SNED1: variants seen among roughly 807,000 people sequenced by gnomAD.
SNED1 encodes sushi, nidogen and EGF like domains 1, also known as sushi, nidogen and EGF-like domain-containing protein 1.
Under a neutral mutation model 166.7 loss-of-function variants are expected in SNED1, and 81 were observed. That is an observed-to-expected ratio of 0.49 (90% CI 0.41 to 0.58). The LOEUF (loss-of-function observed/expected upper bound fraction) is 0.58. Ranked by LOEUF, SNED1 falls within the 20% of genes least tolerant of loss-of-function variation. The pLI is 0.00. For missense variants in SNED1, 1,604 were observed against 2,000.2 expected (o/e 0.80, Z 3.78); for synonymous variants, 762 against 822.0 (o/e 0.93, Z 1.25).
chr2:241,091,052 A>G lies in SNED1; in HGVS notation c.*2-586A>G, dbSNP rs532030835. ...TTTATACGGTGGTAAGTCACCTGAA[A>G]TATTAATGTATCTTTTTAAATGCTT... On this transcript the variant is annotated intron_variant, in intron 31 of 31. Transcript: ENST00000310397. The surrounding 1 kb of genome is among the most constrained non-coding windows in gnomAD (Gnocchi z 4.1). 1.3e-5 allele frequency among the ~76,000 whole-genome samples: 2 copies of G among 152,288 alleles called. No individual in the cohort carries two copies. Among genetic ancestry groups the G allele is most frequent in the East Asian group, 3.9e-4 (2 of 5,184 alleles).
chr2:241,040,932 TA>T (rs1487547637), intron 8 of SNED1: 1 of 442,174 alleles, frequency 2.3e-6, no homozygotes, highest in East Asian at 7.1e-5. Context: ...GATTGCAGCC[TA>T]CAGTATAAAA....
chr2:241,050,739 C>A (rs1365277073), intron 12 of SNED1, among the ~76,000 whole-genome samples: 3 of 152,192 alleles, frequency 2.0e-5, no homozygotes, highest in Non-Finnish European at 4.4e-5. Context: ...CCTAGGACCA[C>A]CCTGAGGCCC....
In SNED1 at chr2:241,062,882, T is replaced by C; in HGVS notation, c.2349T>C (p.Tyr783=). The change falls in exon 17 of 32, where the codon TAT becomes TAC. Residue 783 remains tyrosine, a synonymous_variant. Coordinates refer to ENST00000310397, the MANE Select transcript of SNED1 (RefSeq NM_001080437.3). ...AGYLCLCSTG[Y]EGAHCELERD... is the part of the protein sequence containing the mutation. ...ACCTGTGCCTCTGCAGCACAGGCTA[T>C]GAGGGCGCCCACTGTGAGCTGGGTA... 1.9e-6 allele frequency: 3 copies of C among 1,606,684 alleles called. No individual in the cohort carries two copies. The highest frequency in any genetic ancestry group is 2.5e-6 in the Non-Finnish European group (3 of 1,177,346).
chr2:241,080,611 G>A (rs1004992345), intron 27 of SNED1, among the ~76,000 whole-genome samples: 8 of 152,228 alleles, frequency 5.3e-5, no homozygotes, highest in South Asian at 2.1e-4. Context: ...TCCTGAGGGC[G>A]GGGAGCCAAC....
In SNED1 at chr2:241,043,710, A is replaced by G. The variant is rs117698840; in HGVS notation, c.1273+3297A>G. Among the ~76,000 whole-genome samples, 16 of 152,362 alleles carry G rather than the reference A, an allele frequency of 1.1e-4. No homozygotes were observed. In the East Asian group the frequency reaches 2.7e-3, roughly 26 times the overall value. ...CCAATAACATAAACCAAGCTGTGCA[A>G]ACTTTTTCTGTAAAGGGCCAGAAAG... On this transcript the variant is annotated intron_variant, in intron 8 of 31. Transcript: ENST00000310397.
At chr2:241,059,187 A>G (rs186238162) in intron 16 of SNED1, among the ~76,000 whole-genome samples, 189 of 152,298 alleles carry the variant, frequency 1.2e-3, no homozygotes, top group African/African-American at 4.2e-3. Flanking sequence ...AATTACCAGA[A>G]CTGACACAAG....
Position 241,037,105 on chromosome 2 carries a change from G to A in SNED1, c.932-135G>A, listed in dbSNP as rs894770137. 41 of 1,005,980 alleles carry A rather than the reference G, an allele frequency of 4.1e-5. 1 individual carries two copies. Among genetic ancestry groups the A allele is most frequent in the Non-Finnish European group, 4.0e-5 (27 of 671,320 alleles). The allele number at this position is 1,005,980 out of a possible 1,614,324, so 62.3% of individuals were successfully genotyped here. A position where few individuals can be genotyped will look rare whatever the true frequency, so the allele number is the denominator to read the frequency against. Reference sequence around the variant, plus strand: ...TGGCCCCCTGGAGTGAGCACCATGGGCGGGTGCAGTTGCTGCCCTCTCTGA... The same window carrying A: ...TGGCCCCCTGGAGTGAGCACCATGGACGGGTGCAGTTGCTGCCCTCTCTGA... On this transcript the variant is annotated intron_variant, in intron 5 of 31. Transcript: ENST00000310397.
rs991834832 is a variant in SNED1, at chr2:241,032,482, C to T, written c.502-1253C>T. ...GGGAACATCACACACCAGGGCCTGTCGTGGGGTGGGGGGGTCGGGGGAGGG... is the reference window on the plus strand; with the variant it reads ...GGGAACATCACACACCAGGGCCTGTTGTGGGGTGGGGGGGTCGGGGGAGGG... On this transcript the variant is annotated intron_variant, in intron 2 of 31. Coordinates refer to ENST00000310397, the MANE Select transcript of SNED1 (RefSeq NM_001080437.3). 1.4e-4 allele frequency among the ~76,000 whole-genome samples: 10 copies of T among 73,410 alleles called. No homozygotes were observed. In the South Asian group the frequency reaches 2.1e-3, roughly 15 times the overall value. 48.2% of individuals were successfully genotyped at this position (73,410 alleles called of 152,430 possible). A position where few individuals can be genotyped will look rare whatever the true frequency, so the allele number is the denominator to read the frequency against.
At chr2:241,037,384 C>A (rs781534755) in intron 6 of SNED1, 31 bp downstream of exon 6, 2 of 1,451,970 alleles carry the variant, frequency 1.4e-6, no homozygotes, top group Admixed American at 3.7e-5. Flanking sequence ...CCCACGGGGC[C>A]CTGCTGGGGG....
intron 12 of SNED1, among the ~76,000 whole-genome samples, chr2:241,050,377 G>A (rs1316338661): frequency 2.0e-5 from 3 of 152,106 alleles, no homozygotes; most frequent in Admixed American, 2.0e-4. Context: ...ACCCAGGACT[G>A]TCCCTTCTGT....
At position 241,073,035 on chromosome 2, in the gene SNED1, G is replaced by A; in HGVS notation, c.3818-231G>A. On this transcript the variant is annotated intron_variant, in intron 26 of 31. Coordinates refer to ENST00000310397, the MANE Select transcript of SNED1 (RefSeq NM_001080437.3). This position sits in a 1 kb window ranked among gnomAD's most constrained non-coding sequence, Gnocchi z 6.6. ...GCTGTCCCTGAAGCAGCTCTGAGGGGGCCCTGCAAGGGGAAGGCCGAGCCC... is the reference window on the plus strand; with the variant it reads ...GCTGTCCCTGAAGCAGCTCTGAGGGAGCCCTGCAAGGGGAAGGCCGAGCCC... 3 of 532,756 alleles carry A rather than the reference G, an allele frequency of 5.6e-6. No homozygotes were observed. The highest frequency in any genetic ancestry group is 3.0e-5 in the South Asian group (1 of 33,728). The allele number at this position is 532,756 out of a possible 1,614,324, so 33.0% of individuals were successfully genotyped here. A position where few individuals can be genotyped will look rare whatever the true frequency, so the allele number is the denominator to read the frequency against.
At chr2:241,005,554 A>G (rs1019109175) in intron 1 of SNED1, among the ~76,000 whole-genome samples, 3 of 151,890 alleles carry the variant, frequency 2.0e-5, no homozygotes, top group African/African-American at 7.3e-5. Flanking sequence ...ACTTCCTCTA[A>G]TATTTCTTAT....
At chr2:241,022,595 G>A (rs1459668583) in intron 1 of SNED1, among the ~76,000 whole-genome samples, 1 of 152,094 alleles carries the variant, frequency 6.6e-6, no homozygotes, top group Non-Finnish European at 1.5e-5. Context: ...GTAGGATATA[G>A]AGGAACCTCA....
chr2:241,088,351 T>C lies in SNED1; in HGVS notation c.4206-14T>C, dbSNP rs775323363. ...TCTCTTTTTCATTAAACGACTTTTC[T>C]CTAATTATTTCAGGAAACAAAGTAA... On this transcript the variant is annotated splice_polypyrimidine_tract_variant and intron_variant, in intron 30 of 31. Coordinates refer to ENST00000310397, the MANE Select transcript of SNED1 (RefSeq NM_001080437.3). The C allele has an allele frequency of 5.0e-6, 8 of 1,600,104 alleles. No homozygotes were observed. The highest frequency in any genetic ancestry group is 4.3e-6 in the Non-Finnish European group (5 of 1,167,240).
intron 16 of SNED1, among the ~76,000 whole-genome samples, chr2:241,057,217 A>G (rs1377788065): frequency 1.3e-5 from 2 of 151,606 alleles, no homozygotes; most frequent in African/African-American, 4.9e-5. Context: ...CATCTCTACT[A>G]AAAATACAAA....
rs2060490125 is a variant in SNED1 at position 241,013,791 on chromosome 2, T to G, written c.213+14741T>G. Among the ~76,000 whole-genome samples the G allele has an allele frequency of 6.6e-6, 1 of 152,220 alleles. No individual in the cohort carries two copies. Among genetic ancestry groups the G allele is most frequent in the Admixed American group, 6.5e-5 (1 of 15,288 alleles). ...TGAATAATATTCCCTTGTGTGTACA[T>G]ATGTCTGTATATATACACCACATTT... is the stretch of plus-strand genomic sequence containing the variant. On this transcript the variant is annotated intron_variant, in intron 1 of 31. Coordinates refer to ENST00000310397, the MANE Select transcript of SNED1 (RefSeq NM_001080437.3). The surrounding 1 kb of genome is among the most constrained non-coding windows in gnomAD (Gnocchi z 4.6).
intron 16 of SNED1, 40 bp from the exon 17 acceptor site, chr2:241,062,751 C>A: frequency 7.2e-7 from 1 of 1,397,438 alleles, no homozygotes; most frequent in South Asian, 1.2e-5. Flanking sequence ...TTGGCTTAAT[C>A]GTGGCCACAT....
Position 241,051,728 on chromosome 2 carries a change from C to G in SNED1, c.1736-16C>G. ...AGCCTGGCCCCGTTCATCTGCCTCT[C>G]TGTCCTTCCACACAGCCCGGCCACA... On this transcript the variant is annotated splice_polypyrimidine_tract_variant and intron_variant, in intron 12 of 31. Transcript: ENST00000310397. The surrounding 1 kb of genome is among the most constrained non-coding windows in gnomAD (Gnocchi z 4.7). 1 of 1,466,700 alleles carries G rather than the reference C, an allele frequency of 6.8e-7. No homozygotes were observed. Among genetic ancestry groups the G allele is most frequent in the Non-Finnish European group, 9.0e-7 (1 of 1,107,042 alleles). The allele number at this position is 1,466,700 out of a possible 1,614,324, so 90.9% of individuals were successfully genotyped here.
intron 6 of SNED1, among the ~76,000 whole-genome samples, chr2:241,037,911 C>T (rs2061422270): frequency 6.6e-6 from 1 of 152,208 alleles, no homozygotes; most frequent in Non-Finnish European, 1.5e-5. Context: ...CCTCTCCATC[C>T]TCACTGCTGC....
Sources: allele counts gnomAD v4.1 joint callset (sites outside exome capture counted in the v4.1 genomes callset), GRCh38; gene constraint gnomAD v4.1.1; non-coding constraint Gnocchi (gnomAD v3.1); transcripts MANE v1.5; gene names NCBI Gene and HGNC (gene_info 2026-07-23, HGNC 2026-07-21).